The following ZC3H7A variants were observed in gnomAD, a reference collection of about 807,000 sequenced individuals.
The protein encoded by ZC3H7A is zinc finger CCCH-type containing 7A.
ZC3H7A carries 44 observed loss-of-function variants against 125.5 expected under a neutral mutation model. The ratio of observed to expected loss-of-function variants is 0.35; its 90% CI spans 0.28 to 0.45. ZC3H7A has a LOEUF of 0.45. ZC3H7A is among the 20% of genes least tolerant of loss of function. The pLI, the probability that ZC3H7A is intolerant of heterozygous loss-of-function variation, is 1.00. For missense variants in ZC3H7A, 977 were observed against 1,170.7 expected (o/e 0.83, Z 2.41); for synonymous variants, 399 against 391.2 (o/e 1.02, Z -0.23).
rs117959162 is a variant in ZC3H7A, at chr16:11,762,789, A to G, written c.2003-42T>C. The G allele has an allele frequency of 6.6e-5, 105 of 1,597,736 alleles. No individual in the cohort carries two copies. The East Asian group carries it at 9.2e-4, about 14-fold the overall frequency. On this transcript the variant is annotated intron_variant, in intron 16 of 22. Coordinates refer to ENST00000355758, the MANE Select transcript of ZC3H7A (RefSeq NM_014153.4). ...CCTTCCTTTAAATTATATCTATAAGAACAACAGCCCACCAATCTGGGTGCA... is the reference window on the plus strand; with the variant it reads ...CCTTCCTTTAAATTATATCTATAAGGACAACAGCCCACCAATCTGGGTGCA...
intron 1 of ZC3H7A, among the ~76,000 whole-genome samples, chr16:11,784,081 T>C (rs2053215802): frequency 6.6e-6 from 1 of 152,214 alleles, no homozygotes; most frequent in Non-Finnish European, 1.5e-5. Flanking sequence ...CTGGACTTTG[T>C]ATGTGTTTGA....
At chr16:11,777,289 C>G (rs995241074) in intron 4 of ZC3H7A, among the ~76,000 whole-genome samples, 1 of 152,148 alleles carries the variant, frequency 6.6e-6, no homozygotes, top group African/African-American at 2.4e-5. Context: ...TAACTCCAAA[C>G]AGCTAACTGA....
chr16:11,772,060 G>A (rs1283572326), intron 9 of ZC3H7A, among the ~76,000 whole-genome samples: 2 of 151,952 alleles, frequency 1.3e-5, no homozygotes, highest in African/African-American at 2.4e-5. Context: ...GCCGGGCGTG[G>A]TAGCGGGCAC....
chr16:11,752,939 A>C, intron 21 of ZC3H7A, 107 bp from the exon 22 acceptor site: 25 of 1,423,500 alleles, frequency 1.8e-5, no homozygotes, highest in East Asian at 9.2e-5. Flanking sequence ...CATAAAACTC[A>C]GGTTAGAAAT....
rs2053048213 is a variant in ZC3H7A, at chr16:11,774,587, A to C, written c.620-68T>G. ...TTACATAATAATACCATTAATCCCCAATAATAGAGATACAAAGATGAAAAT... is the reference window on the plus strand; with the variant it reads ...TTACATAATAATACCATTAATCCCCCATAATAGAGATACAAAGATGAAAAT... On this transcript the variant is annotated intron_variant, in intron 8 of 22. Transcript: ENST00000355758. 6 of 1,420,214 alleles carry C rather than the reference A, an allele frequency of 4.2e-6. No individual in the cohort carries two copies. In the South Asian group the frequency reaches 1.0e-4, roughly 24 times the overall value. The allele number at this position is 1,420,214 out of a possible 1,614,324, so 88.0% of individuals were successfully genotyped here. A position where few individuals can be genotyped will look rare whatever the true frequency, so the allele number is the denominator to read the frequency against.
At chr16:11,757,796 A>G (rs1035228593) in intron 20 of ZC3H7A, among the ~76,000 whole-genome samples, 7 of 152,190 alleles carry the variant, frequency 4.6e-5, no homozygotes, top group Non-Finnish European at 8.8e-5. Context: ...TGTGGTTGAA[A>G]CATGGCAGGC....
rs1184521145 is a variant in ZC3H7A at position 11,765,437 on chromosome 16, C to CT, written c.1719+51dup. The CT allele has an allele frequency of 2.7e-6, 4 of 1,461,556 alleles. No homozygotes were observed. The East Asian group carries it at 9.3e-5, about 34-fold the overall frequency. The allele number at this position is 1,461,556 out of a possible 1,614,324, so 90.5% of individuals were successfully genotyped here. On this transcript the variant is annotated intron_variant, in intron 14 of 22. Coordinates refer to ENST00000355758, the MANE Select transcript of ZC3H7A (RefSeq NM_014153.4). This position sits in a 1 kb window ranked among gnomAD's most constrained non-coding sequence, Gnocchi z 4.8. ...TTTATCACATGGCAGGACAATACCACTGGGCTTGCAAATTCAACTTTACAG... is the reference window on the plus strand; with the variant it reads ...TTTATCACATGGCAGGACAATACCACTTGGGCTTGCAAATTCAACTTTACAG...
rs2052901372 is a variant in ZC3H7A at position 11,768,392 on chromosome 16, G to A, written c.1283C>T (p.Ser428Leu). The change falls in exon 12 of 23, where the codon TCA becomes TTA. Residue 428 changes from serine to leucine, a missense_variant. Transcript: ENST00000355758. The stretch of plus-strand genomic sequence containing the variant: ...GAGGGGATGTCTTGGAGTCACTGAT[G>A]AAGATGGTTTGGTAACTGCACTTCC... ...FFGSAVTKPS[S>L]SVTPRHPLEG... 1 of 1,599,048 alleles carries A rather than the reference G, an allele frequency of 6.3e-7. No individual in the cohort carries two copies. Among genetic ancestry groups the A allele is most frequent in the Non-Finnish European group, 8.5e-7 (1 of 1,170,472 alleles).
Position 11,756,190 on chromosome 16 carries a change from C to G in ZC3H7A, c.2562+47G>C, listed in dbSNP as rs1318747927. On this transcript the variant is annotated intron_variant, in intron 21 of 22. Coordinates refer to ENST00000355758, the MANE Select transcript of ZC3H7A (RefSeq NM_014153.4). ...AAAAAGAAAAGGGAAAAGAAAGGCT[C>G]CATCAATGGCTCGGCAAAGAGAGGG... The G allele has an allele frequency of 5.1e-6, 8 of 1,577,346 alleles. No homozygotes were observed. The South Asian group carries it at 8.2e-5, about 16-fold the overall frequency.
intron 15 of ZC3H7A, among the ~76,000 whole-genome samples, chr16:11,764,318 G>T (rs2052815505): frequency 6.6e-6 from 1 of 152,004 alleles, no homozygotes. Flanking sequence ...GGAGGCCAAG[G>T]CGGGTGGATC....
rs760303435 is a variant in ZC3H7A at position 11,779,218 on chromosome 16, T to C, written c.254A>G (p.Lys85Arg). 2 of 1,610,900 alleles carry C rather than the reference T, an allele frequency of 1.2e-6. No individual in the cohort carries two copies. The highest frequency in any genetic ancestry group is 2.2e-5 in the South Asian group (2 of 90,840). ...TATATATAGTTTTTCAATTATTTCT[T>C]TGGGGATTAAAATTTCTTCAGATTT... The part of the protein sequence containing the change: ...YAKSEEILIP[K>R]EIIEKLYINR... The change falls in exon 4 of 23, where the codon AAA becomes AGA. Residue 85 changes from lysine to arginine, a missense_variant. Coordinates refer to ENST00000355758, the MANE Select transcript of ZC3H7A (RefSeq NM_014153.4).
At chr16:11,761,845 T>TA in intron 18 of ZC3H7A, 65 bp downstream of exon 18, 1 of 1,588,110 alleles carries the variant, frequency 6.3e-7, no homozygotes, top group Non-Finnish European at 8.5e-7. Flanking sequence ...TGCTTATGTG[T>TA]ATAATTTTAT....
At chr16:11,796,020 CAG>C (rs2053431185) in intron 1 of ZC3H7A, among the ~76,000 whole-genome samples, 1 of 151,946 alleles carries the variant, frequency 6.6e-6, no homozygotes, top group Admixed American at 6.6e-5. Flanking sequence ...TTTGTAGAGA[CAG>C]GGGTCTCACT....
At chr16:11,754,111 C>CA (rs2052596093) in intron 21 of ZC3H7A, among the ~76,000 whole-genome samples, 1 of 151,244 alleles carries the variant, frequency 6.6e-6, no homozygotes, top group Admixed American at 6.6e-5. Context: ...GGCAACATGG[C>CA]AAAATCCCCA....
In ZC3H7A at chr16:11,765,089, G is replaced by C; in HGVS notation, c.1784C>G (p.Ser595Cys). 1 of 1,591,958 alleles carries C rather than the reference G, an allele frequency of 6.3e-7. No homozygotes were observed. Among genetic ancestry groups the C allele is most frequent in the Non-Finnish European group, 8.5e-7 (1 of 1,170,652 alleles). The change falls in exon 15 of 23, where the codon TCT (serine) becomes TGT (cysteine). Residue 595 changes from serine (S) to cysteine (C), a missense_variant. By Grantham distance (112) the Ser-to-Cys change is moderately radical. This residue lies in a region of ZC3H7A where 436 missense variants were observed against 603.2 expected (regional missense o/e 0.72). Transcript: ENST00000355758. This position sits in a 1 kb window ranked among gnomAD's most constrained non-coding sequence, Gnocchi z 4.8. ...AAACTCATGCTTTGTAACCGGGTGA[G>C]AACAAGCAGTAGAATTATCTTTATT... is the stretch of plus-strand genomic sequence containing the variant. Reference protein sequence around the residue: ...KRNKDNSTACSHPVTKHEFED... With the variant: ...KRNKDNSTACCHPVTKHEFED...
intron 1 of ZC3H7A, among the ~76,000 whole-genome samples, chr16:11,791,887 G>T (rs1381220534): frequency 6.6e-6 from 1 of 152,144 alleles, no homozygotes. Flanking sequence ...AAATAAAAAA[G>T]AATTCCAGGG....
At position 11,770,524 on chromosome 16, in the gene ZC3H7A, C is replaced by A. The variant is rs1158871422; in HGVS notation, c.1108+259G>T. On this transcript the variant is annotated intron_variant, in intron 10 of 22. Transcript: ENST00000355758. ...GTCATTTCACCCCCAAAACAATAAA[C>A]TCCCAGCTTAACAAACTATCCTACA... Among the ~76,000 whole-genome samples, 4 of 152,186 alleles carry A rather than the reference C, an allele frequency of 2.6e-5. No individual in the cohort carries two copies. The East Asian group carries it at 5.8e-4, about 22-fold the overall frequency.
chr16:11,768,101 A>G (rs772527926), intron 12 of ZC3H7A, among the ~76,000 whole-genome samples: 14 of 152,232 alleles, frequency 9.2e-5, no homozygotes, highest in Non-Finnish European at 8.8e-5. Flanking sequence ...ACATGATTCT[A>G]TAAATAAAAT....
intron 21 of ZC3H7A, among the ~76,000 whole-genome samples, chr16:11,754,431 G>C (rs1186635504): frequency 6.6e-6 from 1 of 151,458 alleles, no homozygotes; most frequent in Non-Finnish European, 1.5e-5. Context: ...CAAGCAGAGA[G>C]ACGCTGGGCA....
Sources: gnomAD v4.1 joint callset for allele counts (sites outside exome capture counted in the v4.1 genomes callset) on GRCh38, gnomAD v4.1.1 for gene constraint, gnomAD v4.1.1 regional missense constraint, Gnocchi (gnomAD v3.1) non-coding constraint, MANE v1.5 for transcripts, NCBI Gene and HGNC (gene_info 2026-07-23, HGNC 2026-07-21) for gene names.